The following RAD51B variants were observed in gnomAD, a reference collection of about 807,000 sequenced individuals.
RAD51B encodes RAD51 paralog B.
A neutral mutation model predicts 42.2 loss-of-function variants in RAD51B; 38 were observed. The observed-to-expected ratio is 0.90, with a 90% CI of 0.70 to 1.18. The LOEUF (loss-of-function observed/expected upper bound fraction) is 1.18, where lower values mean the gene tolerates loss of function less well. Ranked by LOEUF, RAD51B falls within the 50% of genes most tolerant of loss-of-function variation. The probability of loss-of-function intolerance (pLI) is 0.00; values close to 1 mark genes in which losing one functional copy is unlikely to be tolerated. For synonymous variants in RAD51B, 154 were observed against 145.2 expected, an observed-to-expected ratio of 1.06 and a Z score of -0.43; for missense variants, 373 against 400.7, an observed-to-expected ratio of 0.93 and a Z score of 0.59.
At chr14:68,371,479 CT>C (rs1273336949) in intron 8 of RAD51B, among the ~76,000 whole-genome samples, 1 of 151,890 alleles carries the variant, frequency 6.6e-6, no homozygotes, top group Non-Finnish European at 1.5e-5. Context: ...GATCACGCCA[CT>C]GCATTTCAGC....
At chr14:68,485,924 G>A (rs1231041994) in intron 10 of RAD51B, among the ~76,000 whole-genome samples, 1 of 152,204 alleles carries the variant, frequency 6.6e-6, no homozygotes, top group African/African-American at 2.4e-5. Context: ...CAGAGAAATT[G>A]TGCTTTATAT....
intron 10 of RAD51B, among the ~76,000 whole-genome samples, chr14:68,631,579 G>T (rs1304921131): frequency 6.6e-6 from 1 of 152,210 alleles, no homozygotes; most frequent in East Asian, 1.9e-4. Context: ...AATCTCCCAT[G>T]TGCCCGGCAT....
At chr14:67,946,067 A>G (rs2045380834) in intron 7 of RAD51B, among the ~76,000 whole-genome samples, 1 of 152,190 alleles carries the variant, frequency 6.6e-6, no homozygotes, top group Admixed American at 6.5e-5. Flanking sequence ...TAAGAACTGT[A>G]ATCTTGAGAT....
intron 8 of RAD51B, among the ~76,000 whole-genome samples, chr14:68,370,501 G>C (rs548677898): frequency 6.6e-6 from 1 of 152,286 alleles, no homozygotes; most frequent in African/African-American, 2.4e-5. Context: ...TTTTCAGCCA[G>C]GGATGGACAT....
intron 7 of RAD51B, among the ~76,000 whole-genome samples, chr14:68,017,705 G>T (rs775117525): frequency 6.6e-6 from 1 of 151,932 alleles, no homozygotes; most frequent in Non-Finnish European, 1.5e-5. Context: ...AGGCATGGTG[G>T]CTCATGCCTG....
chr14:67,930,806 A>G (rs1324974975), intron 7 of RAD51B, among the ~76,000 whole-genome samples: 2 of 151,710 alleles, frequency 1.3e-5, no homozygotes, highest in African/African-American at 2.4e-5. Context: ...CTTTGAGGAT[A>G]CTGATAATTT....
chr14:68,595,508 T>A, exon 11 of RAD51B: 2 of 1,066,710 alleles, frequency 1.9e-6, no homozygotes, highest in Non-Finnish European at 2.3e-6. Flanking sequence ...TCCTTGTGTT[T>A]GGAGCAAGGG....
chr14:68,677,074 G>C (rs757323216), intron 11 of RAD51B, among the ~76,000 whole-genome samples: 1 of 152,182 alleles, frequency 6.6e-6, no homozygotes, highest in Admixed American at 6.5e-5. Context: ...GGAAACTGAG[G>C]CTCAAAATTA....
At chr14:68,426,858 C>T (rs1271073582) in intron 9 of RAD51B, among the ~76,000 whole-genome samples, 11 of 152,150 alleles carry the variant, frequency 7.2e-5, no homozygotes, top group Admixed American at 2.0e-4. Flanking sequence ...ATCACAATCC[C>T]GGAGCTCTAG....
rs143018414 is a variant in RAD51B, at chr14:68,151,607, G to T, written c.757-140277G>T. On this transcript the variant is annotated intron_variant, in intron 7 of 10. Transcript: ENST00000471583. ...CCCACAGCTCCATTCATTTTTCTTG[G>T]TTTTTTGTGTGTGTGTGTGTGTGTT... is the stretch of plus-strand genomic sequence containing the variant. Among the ~76,000 whole-genome samples the T allele has an allele frequency of 2.2e-3, 334 of 151,190 alleles. 5 individuals are homozygous for T. In the East Asian group the frequency reaches 0.028, roughly 13 times the overall value.
chr14:68,117,123 TC>T (rs1340845706), intron 7 of RAD51B, among the ~76,000 whole-genome samples: 1 of 152,236 alleles, frequency 6.6e-6, no homozygotes, highest in Non-Finnish European at 1.5e-5. Flanking sequence ...TAGAGCGTGC[TC>T]CTGCATTAGG....
At chr14:68,002,965 G>A (rs1566570592) in intron 7 of RAD51B, among the ~76,000 whole-genome samples, 1 of 152,136 alleles carries the variant, frequency 6.6e-6, no homozygotes, top group Non-Finnish European at 1.5e-5. Context: ...GTAGTGTGAT[G>A]TCTCTAGCTT....
intron 7 of RAD51B, among the ~76,000 whole-genome samples, chr14:68,001,827 C>T (rs892734382): frequency 6.6e-6 from 1 of 152,062 alleles, no homozygotes; most frequent in South Asian, 2.1e-4. Context: ...ATTAGTTTGC[C>T]GAGGATAATG....
At position 67,983,960 on chromosome 14, in the gene RAD51B, G is replaced by A. The variant is rs187650579; in HGVS notation, c.756+96756G>A. ...TTTTTCTTTCTTTCTTTTTTTTCTT[G>A]ACAGTGTCTCCCTCTGTTGCCAGGC... On this transcript the variant is annotated intron_variant, in intron 7 of 10. Transcript: ENST00000471583. Among the ~76,000 whole-genome samples the A allele has an allele frequency of 6.8e-4, 96 of 141,238 alleles. 5 individuals carry two copies. In the East Asian group the frequency reaches 0.019, roughly 28 times the overall value. 92.7% of individuals were successfully genotyped at this position (141,238 alleles called of 152,430 possible).
chr14:68,363,304 AG>A (rs1295214898), intron 8 of RAD51B, among the ~76,000 whole-genome samples: 1 of 152,240 alleles, frequency 6.6e-6, no homozygotes, highest in African/African-American at 2.4e-5. Context: ...CTGTGCATAA[AG>A]TAATGGTTTG....
chr14:68,127,799 T>C (rs949613462), intron 7 of RAD51B, among the ~76,000 whole-genome samples: 3 of 152,232 alleles, frequency 2.0e-5, no homozygotes, highest in African/African-American at 7.2e-5. Flanking sequence ...TTCTGTCATT[T>C]CTTAGAAGGT....
At chr14:68,173,664 A>C (rs1020616487) in intron 7 of RAD51B, among the ~76,000 whole-genome samples, 7 of 152,212 alleles carry the variant, frequency 4.6e-5, no homozygotes, top group Non-Finnish European at 1.0e-4. Flanking sequence ...AACTTAGAGG[A>C]GAAATGACTC....
intron 5 of RAD51B, among the ~76,000 whole-genome samples, chr14:67,884,751 T>C (rs1219161614): frequency 1.3e-5 from 2 of 152,198 alleles, no homozygotes; most frequent in Non-Finnish European, 2.9e-5. Flanking sequence ...TCATGAAGTA[T>C]TTTTTCCTCT....
intron 10 of RAD51B, among the ~76,000 whole-genome samples, chr14:68,471,558 A>G (rs1328565558): frequency 1.3e-5 from 2 of 152,036 alleles, no homozygotes; most frequent in East Asian, 3.9e-4. Context: ...CTGGGATGGG[A>G]AGGACAATAA....
Sources: allele counts gnomAD v4.1 joint callset (sites outside exome capture counted in the v4.1 genomes callset), GRCh38; gene constraint gnomAD v4.1.1; transcripts MANE v1.5; gene names NCBI Gene and HGNC (gene_info 2026-07-23, HGNC 2026-07-21).